The following KCND3 variants were observed in gnomAD, a reference collection of about 807,000 sequenced individuals.
The protein encoded by KCND3 is A-type voltage-gated potassium channel KCND3.
Under a neutral mutation model 51.1 loss-of-function variants are expected in KCND3, and 9 were observed. The ratio of observed to expected loss-of-function variants is 0.18; its 90% CI spans 0.11 to 0.31. The LOEUF is 0.31. Ranked by LOEUF, KCND3 falls within the 10% of genes least tolerant of loss-of-function variation. KCND3 has a pLI of 1.00. For synonymous variants in KCND3, 349 were observed against 368.0 expected, an observed-to-expected ratio of 0.95 and a Z score of 0.59; for missense variants, 526 against 903.8, an observed-to-expected ratio of 0.58 and a Z score of 5.36.
intron 2 of KCND3, among the ~76,000 whole-genome samples, chr1:111,855,718 C>G (rs1005641892): frequency 9.2e-5 from 14 of 152,122 alleles, no homozygotes. Flanking sequence ...CCACCCCAGG[C>G]AGGTGGCACA....
intron 2 of KCND3, among the ~76,000 whole-genome samples, chr1:111,965,249 TC>T (rs1673903087): frequency 6.6e-6 from 1 of 151,856 alleles, no homozygotes; most frequent in African/African-American, 2.4e-5. Flanking sequence ...GACCAGAAGA[TC>T]CAGCTCTGGA....
chr1:111,847,234 T>C (rs943775148), intron 2 of KCND3, among the ~76,000 whole-genome samples: 20 of 152,128 alleles, frequency 1.3e-4, no homozygotes, highest in African/African-American at 4.8e-4. Flanking sequence ...ATTGGGGTTT[T>C]CATATCACAG....
chr1:111,931,131 G>T (rs559928869), intron 2 of KCND3, among the ~76,000 whole-genome samples: 1 of 152,316 alleles, frequency 6.6e-6, no homozygotes, highest in South Asian at 2.1e-4. Context: ...ATGTAAGAAA[G>T]CACACAGGCA....
At chr1:111,971,481 T>C (rs921422897) in intron 2 of KCND3, among the ~76,000 whole-genome samples, 4 of 152,146 alleles carry the variant, frequency 2.6e-5, no homozygotes, top group African/African-American at 9.7e-5. Context: ...AAGTTCCTAC[T>C]GGGGGCAGGT....
At chr1:111,888,025 C>G (rs1669646453) in intron 2 of KCND3, among the ~76,000 whole-genome samples, 1 of 152,228 alleles carries the variant, frequency 6.6e-6, no homozygotes, top group Admixed American at 6.5e-5. Context: ...CACAAGGTAC[C>G]CCTGGCTGGG....
At chr1:111,935,090 G>T (rs12411132) in intron 2 of KCND3, among the ~76,000 whole-genome samples, 36 of 152,068 alleles carry the variant, frequency 2.4e-4, no homozygotes, top group African/African-American at 8.7e-4. Flanking sequence ...TGGCATACTT[G>T]AACATGGGGT....
At chr1:111,880,241 T>C (rs984834641) in intron 2 of KCND3, among the ~76,000 whole-genome samples, 4 of 152,178 alleles carry the variant, frequency 2.6e-5, no homozygotes, top group Admixed American at 1.3e-4. Context: ...ACCTGACCCA[T>C]TGCCAGGAAC....
chr1:111,979,937 G>C (rs1329479074), intron 2 of KCND3, among the ~76,000 whole-genome samples: 1 of 152,156 alleles, frequency 6.6e-6, no homozygotes, highest in Non-Finnish European at 1.5e-5. Context: ...AGGGCACTGG[G>C]CAGTCAGAGC....
chr1:111,877,940 G>A (rs1669123438), intron 2 of KCND3, among the ~76,000 whole-genome samples: 3 of 152,306 alleles, frequency 2.0e-5, no homozygotes, highest in Non-Finnish European at 2.9e-5. Flanking sequence ...GCCCTACTAT[G>A]TGCAATTCAT....
chr1:111,957,798 T>G (rs573132664), intron 2 of KCND3, among the ~76,000 whole-genome samples: 72 of 152,338 alleles, frequency 4.7e-4, no homozygotes, highest in Non-Finnish European at 8.8e-4. Context: ...CTCATTTACC[T>G]ATTGTCTATG....
At chr1:111,956,733 A>G (rs1340820083) in intron 2 of KCND3, among the ~76,000 whole-genome samples, 1 of 152,238 alleles carries the variant, frequency 6.6e-6, no homozygotes, top group Admixed American at 6.5e-5. Context: ...AAGCAGGCGC[A>G]GACCTCAAGA....
In KCND3 at chr1:111,953,029, T is replaced by A. The variant is rs181173926; in HGVS notation, c.1106+28592A>T. Among the ~76,000 whole-genome samples the A allele has an allele frequency of 2.6e-5, 4 of 152,272 alleles. No individual in the cohort carries two copies. In the East Asian group the frequency reaches 7.7e-4, roughly 29 times the overall value. On this transcript the variant is annotated intron_variant, in intron 2 of 7. Coordinates refer to ENST00000302127, the MANE Select transcript of KCND3 (RefSeq NM_001378969.1). ...TTCACTAAATCCTCACAAAATCAGA[T>A]GAGGTACCATTATCCCCAGTGTACA...
At chr1:111,938,763 G>C (rs1386766060) in intron 2 of KCND3, among the ~76,000 whole-genome samples, 1 of 152,218 alleles carries the variant, frequency 6.6e-6, no homozygotes, top group African/African-American at 2.4e-5. Context: ...CAGAGCAAGA[G>C]AGAGAGTAAT....
intron 2 of KCND3, among the ~76,000 whole-genome samples, chr1:111,965,300 G>A (rs1260627169): frequency 6.6e-6 from 1 of 152,006 alleles, no homozygotes; most frequent in Non-Finnish European, 1.5e-5. Flanking sequence ...GGTCACCTCT[G>A]AAGAGGTAAT....
Position 111,780,351 on chromosome 1 carries a change from G to A in KCND3, c.1372-37C>T, listed in dbSNP as rs1377734832. The A allele has an allele frequency of 6.5e-7, 1 of 1,530,820 alleles. No individual in the cohort carries two copies. The highest frequency in any genetic ancestry group is 2.0e-5 in the Admixed American group (1 of 51,054). 94.8% of individuals were successfully genotyped at this position (1,530,820 alleles called of 1,614,324 possible). ...AGAAGAGAGATTGAGTAAAAAGCTG[G>A]TGGCTCTTCCCCTCTCCAGCTCCTT... On this transcript the variant is annotated intron_variant, in intron 4 of 7. Transcript: ENST00000302127. The surrounding 1 kb of genome is among the most constrained non-coding windows in gnomAD (Gnocchi z 4.2).
chr1:111,968,410 CT>C (rs1013295644), intron 2 of KCND3, among the ~76,000 whole-genome samples: 7 of 152,158 alleles, frequency 4.6e-5, no homozygotes, highest in African/African-American at 1.7e-4. Flanking sequence ...TGATCTTCAT[CT>C]ATCTTGTGCA....
In KCND3 at chr1:111,989,643, T is replaced by C. The variant is rs1270184739; in HGVS notation, c.-211A>G. Reference sequence around the variant, plus strand: ...CAGCAGCCGCCGCTCGCGCGGCTCCTCCTCGCCAGCGCAGTCTCGCTCGCT... The same window carrying C: ...CAGCAGCCGCCGCTCGCGCGGCTCCCCCTCGCCAGCGCAGTCTCGCTCGCT... On this transcript the variant is annotated 5_prime_UTR_variant, in exon 1 of 8. Coordinates refer to ENST00000302127, the MANE Select transcript of KCND3 (RefSeq NM_001378969.1). The C allele has an allele frequency of 6.7e-6, 1 of 148,244 alleles. No homozygotes were observed. The highest frequency in any genetic ancestry group is 1.5e-5 in the Non-Finnish European group (1 of 66,166). The allele number at this position is 148,244 out of a possible 1,614,324, so 9.2% of individuals were successfully genotyped here. A position where few individuals can be genotyped will look rare whatever the true frequency, so the allele number is the denominator to read the frequency against.
At chr1:111,989,277 G>T (rs1034957697) in intron 1 of KCND3, 2 of 152,282 alleles carry the variant, frequency 1.3e-5, no homozygotes, top group Non-Finnish European at 2.9e-5. Context: ...GAACCCCAGC[G>T]CCTGGCTGCC....
chr1:111,806,810 CAAT>C (rs1004241706), intron 2 of KCND3, among the ~76,000 whole-genome samples: 5 of 152,308 alleles, frequency 3.3e-5, no homozygotes, highest in African/African-American at 1.2e-4. Context: ...ATAGTGACAA[CAAT>C]GAGCTGTGGT....
Sources: gnomAD v4.1 joint callset for allele counts (sites outside exome capture counted in the v4.1 genomes callset) on GRCh38, gnomAD v4.1.1 for gene constraint, Gnocchi (gnomAD v3.1) non-coding constraint, MANE v1.5 for transcripts, NCBI Gene and HGNC (gene_info 2026-07-23, HGNC 2026-07-21) for gene names.